The following ADCY9 variants were observed in gnomAD, a reference collection of about 807,000 sequenced individuals.
ADCY9 encodes the protein adenylate cyclase type 9.
ADCY9 carries 50 observed loss-of-function variants against 101.5 expected under a neutral mutation model. The ratio of observed to expected loss-of-function variants is 0.49; its 90% CI spans 0.39 to 0.62. ADCY9 has a LOEUF of 0.62. Ranked by LOEUF, ADCY9 falls within the 20% of genes least tolerant of loss-of-function variation. The pLI, the probability that ADCY9 is intolerant of heterozygous loss-of-function variation, is 0.00. For synonymous variants in ADCY9, 905 were observed against 769.3 expected, an observed-to-expected ratio of 1.18 and a Z score of -2.92; for missense variants, 1,662 against 1,800.4, an observed-to-expected ratio of 0.92 and a Z score of 1.39.
intron 2 of ADCY9, among the ~76,000 whole-genome samples, chr16:4,022,239 C>T (rs2005816): frequency 1 from 152,232 of 152,234 alleles, 76,115 homozygotes; most frequent in Non-Finnish European, 1. Context: ...TGCTTGTAAT[C>T]CCAGCAATTT....
At chr16:4,046,076 C>G (rs2141143674) in intron 2 of ADCY9, among the ~76,000 whole-genome samples, 1 of 152,072 alleles carries the variant, frequency 6.6e-6, no homozygotes, top group South Asian at 2.1e-4. Flanking sequence ...GCCTCCAAAT[C>G]CTGGGCTCAA....
At chr16:3,999,059 C>A (rs1235570445) in intron 3 of ADCY9, among the ~76,000 whole-genome samples, 1 of 152,098 alleles carries the variant, frequency 6.6e-6, no homozygotes, top group African/African-American at 2.4e-5. Context: ...GAAATGTTTC[C>A]CAGCCGGCTA....
At chr16:4,073,005 A>AG (rs1376585811) in intron 2 of ADCY9, among the ~76,000 whole-genome samples, 3 of 151,464 alleles carry the variant, frequency 2.0e-5, no homozygotes, top group Non-Finnish European at 4.4e-5. Flanking sequence ...AAAAAAAAAA[A>AG]AAAAAGAAAC....
Position 3,989,090 on chromosome 16 carries a change from C to T in ADCY9, c.2214G>A (p.Met738Ile). ...TGGGCGGCTTAAAAAAGTAATCTTT[C>T]ATCAGGCTAGAAGACACAACAAATG... Reference protein sequence around the residue: ...FVDVIKEDSLMKDYFFKPPIN... With the variant: ...FVDVIKEDSLIKDYFFKPPIN... Residue 738 changes from methionine (M) to isoleucine (I), a missense_variant, in exon 6 of 11, where the codon ATG becomes ATA. Met to Ile is a conservative substitution (Grantham distance 10, BLOSUM62 1). Coordinates refer to ENST00000294016, the MANE Select transcript of ADCY9 (RefSeq NM_001116.4). 1.2e-6 allele frequency: 2 copies of T among 1,612,544 alleles called. No individual in the cohort carries two copies. The highest frequency in any genetic ancestry group is 1.1e-5 in the South Asian group (1 of 91,050).
intron 2 of ADCY9, among the ~76,000 whole-genome samples, chr16:4,028,618 T>A (rs1467540053): frequency 6.6e-6 from 1 of 152,170 alleles, no homozygotes; most frequent in Non-Finnish European, 1.5e-5. Context: ...AAACCAGATA[T>A]GATGGACCTC....
At chr16:4,056,465 GC>G (rs1283308356) in intron 2 of ADCY9, among the ~76,000 whole-genome samples, 1 of 152,150 alleles carries the variant, frequency 6.6e-6, no homozygotes, top group African/African-American at 2.4e-5. Context: ...TGTTGGCCAG[GC>G]TGGTCTGAAA....
chr16:4,057,836 C>T lies in ADCY9; in HGVS notation c.1694-50278G>A, dbSNP rs544569592. On this transcript the variant is annotated intron_variant, in intron 2 of 10. Coordinates refer to ENST00000294016, the MANE Select transcript of ADCY9 (RefSeq NM_001116.4). ...GCAAGAGTTGCTCCCAGCCCCACTT[C>T]AGAGATGAGAAAACCAAGGCCCAGG... Among the ~76,000 whole-genome samples the T allele has an allele frequency of 3.3e-5, 5 of 152,260 alleles. No homozygotes were observed. In the South Asian group the frequency reaches 1.0e-3, roughly 32 times the overall value.
chr16:3,974,753 A>G (rs760512629), intron 9 of ADCY9, 43 bp from the exon 10 acceptor site: 2 of 1,535,138 alleles, frequency 1.3e-6, no homozygotes, highest in Non-Finnish European at 1.8e-6. Flanking sequence ...AAGAGCAAAG[A>G]AGGCATTCCA....
At chr16:4,039,515 C>T (rs1168272548) in intron 2 of ADCY9, among the ~76,000 whole-genome samples, 1 of 151,392 alleles carries the variant, frequency 6.6e-6, no homozygotes, top group East Asian at 1.9e-4. Flanking sequence ...TCCATCTCTA[C>T]TAAAAATACA....
At chr16:4,090,360 C>T (rs140559778) in intron 2 of ADCY9, among the ~76,000 whole-genome samples, 5 of 152,142 alleles carry the variant, frequency 3.3e-5, no homozygotes, top group East Asian at 1.9e-4. Flanking sequence ...TACTGATGTT[C>T]GGTAATGCAG....
chr16:4,017,418 G>A (rs1301238223), intron 2 of ADCY9, among the ~76,000 whole-genome samples: 1 of 149,802 alleles, frequency 6.7e-6, no homozygotes, highest in African/African-American at 2.4e-5. Flanking sequence ...GCCGAGGCGG[G>A]GGGTTGCTTG....
chr16:4,021,845 G>T (rs1353878364), intron 2 of ADCY9, among the ~76,000 whole-genome samples: 1 of 152,128 alleles, frequency 6.6e-6, no homozygotes, highest in Non-Finnish European at 1.5e-5. Flanking sequence ...TCTTTGAAAC[G>T]CATGAAATCC....
rs1597129118 is a variant in ADCY9, at chr16:3,963,645, G to A, written c.*2130C>T. The A allele has an allele frequency of 3.2e-6, 1 of 312,960 alleles. No individual in the cohort carries two copies. The highest frequency in any genetic ancestry group is 2.1e-5 in the African/African-American group (1 of 46,620). 19.4% of individuals were successfully genotyped at this position (312,960 alleles called of 1,614,324 possible). On this transcript the variant is annotated 3_prime_UTR_variant, in exon 11 of 11. Transcript: ENST00000294016. Reference sequence around the variant, plus strand: ...TGGGCTTGATGGGGAAGAAGTGTGTGCGGAGAACTTTGCGGAGCATGTTCT... The same window carrying A: ...TGGGCTTGATGGGGAAGAAGTGTGTACGGAGAACTTTGCGGAGCATGTTCT...
chr16:4,013,247 CA>C (rs397772100), intron 2 of ADCY9, among the ~76,000 whole-genome samples: 1 of 100,866 alleles, frequency 9.9e-6, no homozygotes, highest in African/African-American at 3.1e-5. Flanking sequence ...GACCCTGTCT[CA>C]AAAAAAAAAA....
At chr16:3,983,766 A>C (rs1286801907) in intron 6 of ADCY9, 2 of 306,306 alleles carry the variant, frequency 6.5e-6, no homozygotes, top group Admixed American at 4.5e-5. Flanking sequence ...CTCTACAAAA[A>C]ACTTTAAAAT....
At chr16:4,098,296 A>G (rs78036236) in intron 2 of ADCY9, among the ~76,000 whole-genome samples, 17,652 of 151,264 alleles carry the variant, frequency 0.12, 1,571 homozygotes, top group East Asian at 0.45. Context: ...GCTGGAATGT[A>G]GTGGTGCAAT....
intron 2 of ADCY9, among the ~76,000 whole-genome samples, chr16:4,082,583 T>TGCATGCACACAGGCACAC: frequency 6.6e-6 from 1 of 151,332 alleles, no homozygotes; most frequent in African/African-American, 2.4e-5. Flanking sequence ...CACACATGCA[T>TGCATGCACACAGGCACAC]GCATGCACAC....
chr16:3,996,459 T>C (rs1429678216), intron 3 of ADCY9, among the ~76,000 whole-genome samples: 2 of 152,110 alleles, frequency 1.3e-5, no homozygotes, highest in East Asian at 1.9e-4. Context: ...AAGAATAAAA[T>C]AGGTGTGCCT....
At chr16:3,990,545 G>A (rs1259965191) in intron 5 of ADCY9, among the ~76,000 whole-genome samples, 1 of 151,646 alleles carries the variant, frequency 6.6e-6, no homozygotes. Flanking sequence ...GGCTCATCAC[G>A]TGTGTTCCTT....
Sources: gnomAD v4.1 joint callset for allele counts (sites outside exome capture counted in the v4.1 genomes callset) on GRCh38, gnomAD v4.1.1 for gene constraint, MANE v1.5 for transcripts, NCBI Gene and HGNC (gene_info 2026-07-23, HGNC 2026-07-21) for gene names.